Variants in USP22 observed in about 807,000 individuals in gnomAD.
The protein encoded by USP22 is ubiquitin carboxyl-terminal hydrolase 22.
A neutral mutation model predicts 68.1 loss-of-function variants in USP22; 22 were observed. That is an observed-to-expected ratio of 0.32 (90% CI 0.23 to 0.46). USP22 has a LOEUF of 0.46. USP22 is among the 20% of genes least tolerant of loss of function. The probability of loss-of-function intolerance (pLI) is 1.00; values close to 1 mark genes in which losing one functional copy is unlikely to be tolerated. For synonymous variants in USP22, 279 were observed against 274.2 expected (o/e 1.02, Z -0.17); for missense variants, 433 against 695.8 (o/e 0.62, Z 4.25).
intron 11 of USP22, among the ~76,000 whole-genome samples, 187 bp downstream of exon 11, chr17:21,004,739 ATT>A (rs985211224): frequency 6.6e-6 from 1 of 151,722 alleles, no homozygotes; most frequent in Non-Finnish European, 1.5e-5. Context: ...AGGAGGGAGC[ATT>A]TGTGGCACCA....
At chr17:21,020,181 C>A (rs1293238037) in intron 3 of USP22, among the ~76,000 whole-genome samples, 1 of 136,612 alleles carries the variant, frequency 7.3e-6, no homozygotes, top group African/African-American at 2.8e-5. Flanking sequence ...CTGGGGTAAA[C>A]CACACCTGTC....
intron 1 of USP22, among the ~76,000 whole-genome samples, chr17:21,036,332 T>C (rs959668847): frequency 6.6e-6 from 1 of 152,012 alleles, no homozygotes; most frequent in Admixed American, 6.6e-5. Flanking sequence ...CCTTAATATA[T>C]GCGATTTTAA....
intron 1 of USP22, chr17:21,042,417 AGAATGGGG>A: frequency 5.0e-6 from 1 of 200,412 alleles, no homozygotes; most frequent in Non-Finnish European, 8.4e-6. Context: ...AGGGAAAGGA[AGAATGGGG>A]GAAGGGGGGA....
intron 4 of USP22, 41 bp from the exon 5 acceptor site, chr17:21,018,152 T>C (rs1224625223): frequency 5.3e-6 from 8 of 1,515,018 alleles, no homozygotes; most frequent in Non-Finnish European, 7.1e-6. Context: ...ACCTGTGTGC[T>C]GAACCACAGG....
Position 21,042,813 on chromosome 17 carries a change from T to C in USP22, c.23A>G (p.Glu8Gly). Residue 8 changes from glutamate to glycine, a missense_variant, in exon 1 of 13, where the codon GAG (glutamate) becomes GGG (glycine). By Grantham distance (98) the Glu-to-Gly change is moderately conservative. Coordinates refer to ENST00000261497, the MANE Select transcript of USP22 (RefSeq NM_015276.2). ...CAGCTCGGCGTCCATGGCCTCGCCCTCGGGCTCTGGCCGGGACACCATGGG... is the reference window on the plus strand; with the variant it reads ...CAGCTCGGCGTCCATGGCCTCGCCCCCGGGCTCTGGCCGGGACACCATGGG... MVSRPEP[E>G]GEAMDAELAV... 1 of 1,447,392 alleles carries C rather than the reference T, an allele frequency of 6.9e-7. No homozygotes were observed. Among genetic ancestry groups the C allele is most frequent in the Non-Finnish European group, 9.1e-7 (1 of 1,097,512 alleles). 89.7% of individuals were successfully genotyped at this position (1,447,392 alleles called of 1,614,324 possible).
chr17:21,003,174 C>T (rs1259624972), intron 12 of USP22, 101 bp from the exon 13 acceptor site: 1 of 1,397,094 alleles, frequency 7.2e-7, no homozygotes, highest in Non-Finnish European at 1.0e-6. Flanking sequence ...GCGCTCTGCA[C>T]AGGTCGGCCA....
In USP22 at chr17:21,042,937, G is replaced by T. The variant is rs1267896916; in HGVS notation, c.-102C>A. 1.0e-5 allele frequency: 8 copies of T among 769,380 alleles called. No individual in the cohort carries two copies. The highest frequency in any genetic ancestry group is 4.5e-4 in the Middle Eastern group (1 of 2,240). 47.7% of individuals were successfully genotyped at this position (769,380 alleles called of 1,614,324 possible). On this transcript the variant is annotated 5_prime_UTR_variant, in exon 1 of 13. Coordinates refer to ENST00000261497, the MANE Select transcript of USP22 (RefSeq NM_015276.2). ...CTCGGCGGCTGGCCAGGCTGGCCAA[G>T]GCCCGGGCGCCGAGAACAAAGCGCG...
At chr17:21,032,914 C>G (rs1421754337) in intron 1 of USP22, among the ~76,000 whole-genome samples, 2 of 115,458 alleles carry the variant, frequency 1.7e-5, no homozygotes, top group Non-Finnish European at 3.2e-5. Flanking sequence ...CAGAACCAGA[C>G]CCTGTCTCAA....
intron 1 of USP22, among the ~76,000 whole-genome samples, chr17:21,033,922 G>A (rs1217762892): frequency 6.6e-6 from 1 of 151,862 alleles, no homozygotes; most frequent in East Asian, 1.9e-4. Flanking sequence ...CTAACTTTTT[G>A]TATTTTAGTA....
At chr17:21,029,738 A>T (rs570768343) in intron 1 of USP22, among the ~76,000 whole-genome samples, 1 of 152,262 alleles carries the variant, frequency 6.6e-6, no homozygotes, top group African/African-American at 2.4e-5. Flanking sequence ...CACATGCTAC[A>T]GTGCAGACTA....
rs2056498608 is a variant in USP22 at position 21,001,834 on chromosome 17, C to T, written c.*1197G>A. The T allele has an allele frequency of 6.6e-6, 1 of 152,236 alleles. No individual in the cohort carries two copies. The highest frequency in any genetic ancestry group is 2.1e-4 in the South Asian group (1 of 4,830). 9.4% of individuals were successfully genotyped at this position (152,236 alleles called of 1,614,324 possible). A position where few individuals can be genotyped will look rare whatever the true frequency, so the allele number is the denominator to read the frequency against. Reference sequence around the variant, plus strand: ...TTGAATTTGAATACACAGATACATGCAAGATATCTTACAAGAAACAATGCA... The same window carrying T: ...TTGAATTTGAATACACAGATACATGTAAGATATCTTACAAGAAACAATGCA... On this transcript the variant is annotated 3_prime_UTR_variant, in exon 13 of 13. Coordinates refer to ENST00000261497, the MANE Select transcript of USP22 (RefSeq NM_015276.2).
chr17:21,041,501 G>A (rs1475698967), intron 1 of USP22, among the ~76,000 whole-genome samples: 1 of 152,156 alleles, frequency 6.6e-6, no homozygotes, highest in African/African-American at 2.4e-5. Flanking sequence ...AGGAGGCTGA[G>A]GCAGGAGAAT....
rs1914106886 is a variant in USP22 at position 21,015,584 on chromosome 17, A to G, written c.838+168T>C. 6 of 981,024 alleles carry G rather than the reference A, an allele frequency of 6.1e-6. No homozygotes were observed. The South Asian group carries it at 1.1e-4, about 18-fold the overall frequency. The allele number at this position is 981,024 out of a possible 1,614,324, so 60.8% of individuals were successfully genotyped here. A position where few individuals can be genotyped will look rare whatever the true frequency, so the allele number is the denominator to read the frequency against. On this transcript the variant is annotated intron_variant, in intron 6 of 12. Transcript: ENST00000261497. ...AACTAGGAGGAGCCTCTCTGAGGTC[A>G]TTAGTTATGGTGACTTCAGAAACAA...
At chr17:21,019,318 T>C (rs1972125524) in intron 3 of USP22, 133 bp from the exon 4 acceptor site, 1 of 804,398 alleles carries the variant, frequency 1.2e-6, no homozygotes, top group Non-Finnish European at 2.1e-6. Context: ...GCACCAGGGC[T>C]TTCTCAAACT....
chr17:21,016,654 T>A (rs184534890), intron 5 of USP22, among the ~76,000 whole-genome samples: 1 of 152,148 alleles, frequency 6.6e-6, no homozygotes. Flanking sequence ...CAGTATTACA[T>A]TAAGTAGGGA....
intron 5 of USP22, among the ~76,000 whole-genome samples, chr17:21,017,706 A>G (rs559121286): frequency 6.6e-6 from 1 of 152,326 alleles, no homozygotes; most frequent in Admixed American, 6.5e-5. Context: ...TCTCTGCCAC[A>G]AGCCTCTCAA....
At chr17:21,011,414 TTGTCACAG>T in intron 7 of USP22, 105 bp from the exon 8 acceptor site, 1 of 1,407,754 alleles carries the variant, frequency 7.1e-7, no homozygotes, top group Non-Finnish European at 9.7e-7. Context: ...GCTGTGCCCT[TTGTCACAG>T]TGACACTCAG....
chr17:21,042,820 C>G lies in USP22; in HGVS notation c.16G>C (p.Glu6Gln). The G allele has an allele frequency of 7.1e-7, 1 of 1,404,008 alleles. No individual in the cohort carries two copies. Among genetic ancestry groups the G allele is most frequent in the Non-Finnish European group, 9.3e-7 (1 of 1,073,590 alleles). 87.0% of individuals were successfully genotyped at this position (1,404,008 alleles called of 1,614,324 possible). A position where few individuals can be genotyped will look rare whatever the true frequency, so the allele number is the denominator to read the frequency against. ...GCGTCCATGGCCTCGCCCTCGGGCT[C>G]TGGCCGGGACACCATGGGGGGCAAG... MVSRP[E>Q]PEGEAMDAEL... Residue 6 changes from glutamate (E) to glutamine (Q), a missense_variant, in exon 1 of 13, where the codon GAG (glutamate) becomes CAG (glutamine). Physicochemically the swap from Glu to Gln is conservative, Grantham distance 29. Coordinates refer to ENST00000261497, the MANE Select transcript of USP22 (RefSeq NM_015276.2).
At chr17:21,011,040 C>A in intron 8 of USP22, 111 bp downstream of exon 8, 1 of 1,413,040 alleles carries the variant, frequency 7.1e-7, no homozygotes, top group Admixed American at 2.7e-5. Context: ...CATGCTGCAC[C>A]TTTGCCCAGG....
Sources: gnomAD v4.1 joint callset for allele counts (sites outside exome capture counted in the v4.1 genomes callset) on GRCh38, gnomAD v4.1.1 for gene constraint, MANE v1.5 for transcripts, NCBI Gene and HGNC (gene_info 2026-07-23, HGNC 2026-07-21) for gene names.